Variants in PTPRG observed in about 807,000 individuals in gnomAD.
PTPRG encodes receptor-type tyrosine-protein phosphatase gamma.
PTPRG carries 102 observed loss-of-function variants against 165.3 expected under a neutral mutation model. The observed-to-expected ratio is 0.62, with a 90% CI of 0.53 to 0.73. PTPRG has a LOEUF of 0.73. Among genes scored for constraint, PTPRG ranks in the 30% least tolerant of loss-of-function variants. PTPRG has a pLI of 0.00. For synonymous variants in PTPRG, 675 were observed against 669.5 expected (o/e 1.01, Z -0.13); for missense variants, 1,866 against 1,861.4 (o/e 1.00, Z -0.05).
At chr3:61,592,983 G>A (rs1238049138) in intron 1 of PTPRG, among the ~76,000 whole-genome samples, 1 of 151,994 alleles carries the variant, frequency 6.6e-6, no homozygotes, top group Non-Finnish European at 1.5e-5. Context: ...CTGGGCCTAG[G>A]GTATTCTAGG....
intron 1 of PTPRG, among the ~76,000 whole-genome samples, chr3:61,676,900 T>G (rs1322115287): frequency 6.6e-6 from 1 of 152,120 alleles, no homozygotes; most frequent in Non-Finnish European, 1.5e-5. Flanking sequence ...AGGAGTATTA[T>G]CTGTCCTGTG....
intron 1 of PTPRG, among the ~76,000 whole-genome samples, chr3:61,738,309 TATAC>T (rs1473291354): frequency 0.052 from 5,192 of 99,952 alleles, 1,077 homozygotes; most frequent in African/African-American, 0.18. Context: ...TATATATATA[TATAC>T]ATATATATAT....
intron 1 of PTPRG, among the ~76,000 whole-genome samples, chr3:61,679,176 A>G (rs1395444236): frequency 1.3e-5 from 2 of 152,212 alleles, no homozygotes; most frequent in Non-Finnish European, 2.9e-5. Flanking sequence ...TGATACATTA[A>G]TTGATTTTGA....
intron 1 of PTPRG, among the ~76,000 whole-genome samples, chr3:61,635,904 A>C (rs564673729): frequency 6.6e-6 from 1 of 152,324 alleles, no homozygotes; most frequent in East Asian, 1.9e-4. Flanking sequence ...ATGGAAACAC[A>C]TCTTTTTGAT....
At chr3:61,600,909 T>G (rs1023085987) in intron 1 of PTPRG, among the ~76,000 whole-genome samples, 6 of 152,204 alleles carry the variant, frequency 3.9e-5, no homozygotes, top group Non-Finnish European at 8.8e-5. Context: ...GGAACCTGTT[T>G]TGCAAATAAA....
At chr3:62,156,192 G>A (rs1704531682) in intron 6 of PTPRG, among the ~76,000 whole-genome samples, 1 of 152,008 alleles carries the variant, frequency 6.6e-6, no homozygotes, top group South Asian at 2.1e-4. Context: ...TCTTTACCTT[G>A]TTTGCCCCCA....
At chr3:61,922,089 G>T (rs1465132390) in intron 2 of PTPRG, among the ~76,000 whole-genome samples, 1 of 152,140 alleles carries the variant, frequency 6.6e-6, no homozygotes. Flanking sequence ...CCTTCTGCAG[G>T]CATATCCTGC....
intron 2 of PTPRG, among the ~76,000 whole-genome samples, chr3:61,974,225 A>G (rs1006928817): frequency 4.7e-5 from 7 of 148,296 alleles, no homozygotes; most frequent in African/African-American, 1.0e-4. Flanking sequence ...TTAGTTGTAC[A>G]TGGAACTTTT....
At chr3:62,023,594 GACAA>G (rs1038319596) in intron 4 of PTPRG, among the ~76,000 whole-genome samples, 13 of 152,018 alleles carry the variant, frequency 8.6e-5, no homozygotes, top group Non-Finnish European at 1.8e-4. Flanking sequence ...TTTACTCCTA[GACAA>G]ACAAACAAAA....
chr3:62,138,714 C>CAAAAAAAAAAAAAAAAAAA (rs563632840), intron 6 of PTPRG, among the ~76,000 whole-genome samples: 3 of 91,386 alleles, frequency 3.3e-5, no homozygotes, highest in Admixed American at 2.8e-4. Context: ...GGCAAAGCTC[C>CAAAAAAAAAAAAAAAAAAA]AAAAAAAAAA....
intron 4 of PTPRG, among the ~76,000 whole-genome samples, chr3:62,013,780 G>A (rs1353263555): frequency 6.8e-6 from 1 of 147,230 alleles, no homozygotes; most frequent in Non-Finnish European, 1.5e-5. Flanking sequence ...TGCTGTACAG[G>A]TTTTTTTTTT....
chr3:62,049,157 A>G (rs1464743715), intron 4 of PTPRG, among the ~76,000 whole-genome samples: 1 of 152,062 alleles, frequency 6.6e-6, no homozygotes, highest in Non-Finnish European at 1.5e-5. Flanking sequence ...AACGTATCTC[A>G]TCGTCCCTCT....
At chr3:62,265,910 C>T (rs941836691) in intron 17 of PTPRG, among the ~76,000 whole-genome samples, 2 of 151,004 alleles carry the variant, frequency 1.3e-5, no homozygotes, top group African/African-American at 4.9e-5. Flanking sequence ...CACACACACA[C>T]ACACACACAC....
At chr3:61,681,433 T>G (rs887078955) in intron 1 of PTPRG, among the ~76,000 whole-genome samples, 3 of 152,232 alleles carry the variant, frequency 2.0e-5, no homozygotes, top group African/African-American at 7.2e-5. Flanking sequence ...TTGGTCTGCT[T>G]TCAGTTTGTC....
chr3:62,271,687 C>T lies in PTPRG; in HGVS notation c.3182+132C>T, dbSNP rs1161679317. On this transcript the variant is annotated intron_variant, in intron 21 of 29. Coordinates refer to ENST00000474889, the MANE Select transcript of PTPRG (RefSeq NM_002841.4). This position sits in a 1 kb window ranked among gnomAD's most constrained non-coding sequence, Gnocchi z 4.1. The stretch of plus-strand genomic sequence containing the variant: ...CCACTGGAAACTGGGATGGATAAGA[C>T]CTATGATAGTCTTAAAGAGGCTCTA... The T allele has an allele frequency of 2.8e-6, 2 of 725,002 alleles. No individual in the cohort carries two copies. The highest frequency in any genetic ancestry group is 2.9e-5 in the East Asian group (1 of 34,188). The allele number at this position is 725,002 out of a possible 1,614,324, so 44.9% of individuals were successfully genotyped here. A position where few individuals can be genotyped will look rare whatever the true frequency, so the allele number is the denominator to read the frequency against.
chr3:61,662,651 A>C (rs1010273432), intron 1 of PTPRG, among the ~76,000 whole-genome samples: 1 of 152,334 alleles, frequency 6.6e-6, no homozygotes. Context: ...CACAGGAACA[A>C]ACTGAATCCA....
At chr3:62,117,789 C>T (rs1258700786) in intron 5 of PTPRG, among the ~76,000 whole-genome samples, 1 of 152,196 alleles carries the variant, frequency 6.6e-6, no homozygotes, top group Non-Finnish European at 1.5e-5. Context: ...TTTCTTTTGT[C>T]TGTACTTTTG....
intron 8 of PTPRG, among the ~76,000 whole-genome samples, chr3:62,169,847 A>G (rs1705150378): frequency 6.6e-6 from 1 of 152,108 alleles, no homozygotes; most frequent in Non-Finnish European, 1.5e-5. Context: ...ACCCCCAACA[A>G]AAGGGAACAG....
chr3:61,759,424 G>A (rs939173567), intron 2 of PTPRG, among the ~76,000 whole-genome samples: 2 of 152,168 alleles, frequency 1.3e-5, no homozygotes, highest in Non-Finnish European at 2.9e-5. Context: ...GAAGGCTGAG[G>A]TGGGAGGATC....
Sources: allele counts gnomAD v4.1 joint callset (sites outside exome capture counted in the v4.1 genomes callset), GRCh38; gene constraint gnomAD v4.1.1; non-coding constraint Gnocchi (gnomAD v3.1); transcripts MANE v1.5; gene names NCBI Gene and HGNC (gene_info 2026-07-23, HGNC 2026-07-21).